The following ROBO1 variants were observed in gnomAD, a reference collection of about 807,000 sequenced individuals.
ROBO1 encodes roundabout homolog 1.
In ROBO1, 149 loss-of-function variants were observed where a neutral mutation model predicts 195.9. The ratio of observed to expected loss-of-function variants is 0.76; its 90% CI spans 0.67 to 0.87. The LOEUF (loss-of-function observed/expected upper bound fraction) is 0.87, where lower values mean the gene tolerates loss of function less well. Among genes scored for constraint, ROBO1 ranks in the 40% least tolerant of loss-of-function variants. The probability of loss-of-function intolerance (pLI) is 0.00; values close to 1 mark genes in which losing one functional copy is unlikely to be tolerated. For missense variants in ROBO1, 1,933 were observed against 2,068.3 expected (o/e 0.93, Z 1.27); for synonymous variants, 816 against 733.2 (o/e 1.11, Z -1.82).
chr3:79,712,704 G>A (rs2107238081), intron 1 of ROBO1, among the ~76,000 whole-genome samples: 1 of 152,152 alleles, frequency 6.6e-6, no homozygotes, highest in East Asian at 1.9e-4. Flanking sequence ...ATGTCATCTA[G>A]GACTTTCATA....
chr3:78,607,618 T>G (rs1703543799), intron 28 of ROBO1, among the ~76,000 whole-genome samples: 9 of 152,196 alleles, frequency 5.9e-5, no homozygotes. Flanking sequence ...GCTGGGTATT[T>G]GTACTGTAAC....
At chr3:79,158,330 A>T (rs951198641) in intron 2 of ROBO1, among the ~76,000 whole-genome samples, 168 of 150,210 alleles carry the variant, frequency 1.1e-3, no homozygotes, top group African/African-American at 4.0e-3. Context: ...TATTTTTATG[A>T]TATTTACATA....
intron 3 of ROBO1, among the ~76,000 whole-genome samples, chr3:79,081,488 G>A (rs974801507): frequency 5.3e-5 from 8 of 152,098 alleles, no homozygotes; most frequent in African/African-American, 1.9e-4. Context: ...TTGTCTGTTC[G>A]GGGCTTCTGT....
chr3:78,681,969 G>A (rs1426515169), intron 10 of ROBO1, among the ~76,000 whole-genome samples: 1 of 152,164 alleles, frequency 6.6e-6, no homozygotes, highest in Non-Finnish European at 1.5e-5. Context: ...AGCTGAACCT[G>A]CAGTGGAGGC....
At chr3:79,708,188 G>A (rs1702133443) in intron 1 of ROBO1, among the ~76,000 whole-genome samples, 1 of 152,138 alleles carries the variant, frequency 6.6e-6, no homozygotes, top group Non-Finnish European at 1.5e-5. Flanking sequence ...TCACATGAAA[G>A]CTGTCCTCCC....
At chr3:78,915,160 G>A (rs1576392035) in intron 4 of ROBO1, among the ~76,000 whole-genome samples, 1 of 152,206 alleles carries the variant, frequency 6.6e-6, no homozygotes, top group East Asian at 1.9e-4. Context: ...TGTACTCTGG[G>A]ATCCTGGAAA....
intron 1 of ROBO1, among the ~76,000 whole-genome samples, chr3:79,723,095 G>A (rs1398197337): frequency 6.6e-6 from 1 of 152,136 alleles, no homozygotes; most frequent in Non-Finnish European, 1.5e-5. Context: ...AAATTTTTCT[G>A]TCTATAAGAA....
intron 29 of ROBO1, 107 bp from the exon 30 acceptor site, chr3:78,600,416 T>C: frequency 1.3e-6 from 1 of 743,406 alleles, no homozygotes; most frequent in South Asian, 1.8e-5. Flanking sequence ...GCATCAGTGA[T>C]TTAAGGTATA....
Position 78,992,956 on chromosome 3 carries a change from G to A in ROBO1, c.173-54029C>T, listed in dbSNP as rs1280813651. Among the ~76,000 whole-genome samples, 4 of 152,148 alleles carry A rather than the reference G, an allele frequency of 2.6e-5. No individual in the cohort carries two copies. In the East Asian group the frequency reaches 7.7e-4, roughly 29 times the overall value. On this transcript the variant is annotated intron_variant, in intron 3 of 30. Coordinates refer to ENST00000464233, the MANE Select transcript of ROBO1 (RefSeq NM_002941.4). The stretch of plus-strand genomic sequence containing the variant: ...ACACGCCAAGATTTTCGTAGGAGAT[G>A]CGAATACATATATCTAGTTGGCCAT...
chr3:79,636,340 T>C (rs544282333), intron 1 of ROBO1, among the ~76,000 whole-genome samples: 1 of 152,174 alleles, frequency 6.6e-6, no homozygotes, highest in East Asian at 1.9e-4. Context: ...ACAACAAAAA[T>C]AGGGAGCAAA....
intron 1 of ROBO1, among the ~76,000 whole-genome samples, chr3:79,716,585 G>A (rs1056439390): frequency 6.6e-6 from 1 of 151,846 alleles, no homozygotes; most frequent in African/African-American, 2.4e-5. Context: ...ATATATTTTA[G>A]TTGTGGCATA....
At chr3:79,226,430 C>CA (rs1428429653) in intron 2 of ROBO1, among the ~76,000 whole-genome samples, 3 of 152,174 alleles carry the variant, frequency 2.0e-5, no homozygotes, top group Non-Finnish European at 4.4e-5. Context: ...CTCCTGTAAA[C>CA]AACTTCCATT....
At chr3:79,075,572 T>C (rs1420040017) in intron 3 of ROBO1, among the ~76,000 whole-genome samples, 1 of 151,954 alleles carries the variant, frequency 6.6e-6, no homozygotes, top group African/African-American at 2.4e-5. Context: ...TAACACAGGA[T>C]TTTATAGTGG....
chr3:79,321,482 A>T (rs1458313014), intron 2 of ROBO1, among the ~76,000 whole-genome samples: 2 of 152,198 alleles, frequency 1.3e-5, no homozygotes, highest in African/African-American at 2.4e-5. Context: ...ATAGGATACT[A>T]TATATGTACA....
At chr3:78,638,265 A>ATG (rs1329066206) in intron 22 of ROBO1, among the ~76,000 whole-genome samples, 5 of 137,494 alleles carry the variant, frequency 3.6e-5, no homozygotes, top group Admixed American at 1.4e-4. Context: ...ATATATGTAT[A>ATG]TGTGTATATA....
chr3:78,813,795 T>C (rs760657921), intron 4 of ROBO1, among the ~76,000 whole-genome samples: 7 of 152,058 alleles, frequency 4.6e-5, no homozygotes, highest in Non-Finnish European at 1.0e-4. Context: ...ATAATAATAG[T>C]TATCATTTAT....
At chr3:79,416,520 ATTGT>A (rs1164849536) in intron 2 of ROBO1, among the ~76,000 whole-genome samples, 2 of 148,606 alleles carry the variant, frequency 1.3e-5, no homozygotes, top group Non-Finnish European at 3.0e-5. Flanking sequence ...ATGTGGGACG[ATTGT>A]TTGAGCCCTA....
chr3:78,949,876 G>A (rs2107765592), intron 3 of ROBO1, among the ~76,000 whole-genome samples: 1 of 152,248 alleles, frequency 6.6e-6, no homozygotes, highest in Non-Finnish European at 1.5e-5. Flanking sequence ...CTTCTCAAAA[G>A]AAGACATTTA....
At chr3:78,679,613 C>T (rs1422137113) in intron 10 of ROBO1, among the ~76,000 whole-genome samples, 3 of 152,154 alleles carry the variant, frequency 2.0e-5, no homozygotes, top group Admixed American at 6.5e-5. Context: ...AGGAATCCAA[C>T]TTACAAGGGA....
Sources: gnomAD v4.1 joint callset for allele counts (sites outside exome capture counted in the v4.1 genomes callset) on GRCh38, gnomAD v4.1.1 for gene constraint, MANE v1.5 for transcripts, NCBI Gene and HGNC (gene_info 2026-07-23, HGNC 2026-07-21) for gene names.